TENM3: variants seen among roughly 807,000 people sequenced by gnomAD.
TENM3 encodes the protein teneurin transmembrane protein 3, also known as teneurin-3.
In TENM3, 63 loss-of-function variants were observed where a neutral mutation model predicts 255.1. The observed-to-expected ratio is 0.25, with a 90% CI of 0.20 to 0.30. The LOEUF is 0.30. Ranked by LOEUF, TENM3 falls within the 10% of genes least tolerant of loss-of-function variation. The pLI is 1.00. For missense variants in TENM3, 2,929 were observed against 3,461.1 expected (o/e 0.85, Z 3.86); for synonymous variants, 1,306 against 1,322.3 (o/e 0.99, Z 0.27).
intron 3 of TENM3, among the ~76,000 whole-genome samples, chr4:182,487,327 T>C (rs1734857065): frequency 6.6e-6 from 1 of 152,222 alleles, no homozygotes; most frequent in Non-Finnish European, 1.5e-5. Context: ...TACTTGTCTC[T>C]TTATCGTTGA....
At position 182,394,385 on chromosome 4, in the gene TENM3, C is replaced by T. The variant is rs190089123; in HGVS notation, c.511+47456C>T. Among the ~76,000 whole-genome samples, 9 of 152,190 alleles carry T rather than the reference C, an allele frequency of 5.9e-5. No individual in the cohort carries two copies. In the South Asian group the frequency reaches 6.2e-4, roughly 11 times the overall value. The stretch of plus-strand genomic sequence containing the variant: ...CATGCGCATACAGAAGCAAAAGTTA[C>T]GAATTAGTATGACCATGTATACATC... On this transcript the variant is annotated intron_variant, in intron 3 of 27. Coordinates refer to ENST00000511685, the MANE Select transcript of TENM3 (RefSeq NM_001080477.4).
At chr4:181,725,069 T>A in the TENM3 span, among the ~76,000 whole-genome samples, 2 of 152,154 alleles carry the variant, frequency 1.3e-5, no homozygotes, top group Non-Finnish European at 2.9e-5. Flanking sequence ...CTCCAGAGAG[T>A]AAACCTCTAG....
At chr4:182,120,588 C>G in the TENM3 span, among the ~76,000 whole-genome samples, 1 of 152,100 alleles carries the variant, frequency 6.6e-6, no homozygotes, top group Non-Finnish European at 1.5e-5. Flanking sequence ...TGTGACAAAG[C>G]AGGGTATGTG....
At chr4:182,249,839 A>G (rs180976449) in intron 1 of TENM3, among the ~76,000 whole-genome samples, 6 of 151,966 alleles carry the variant, frequency 3.9e-5, no homozygotes, top group African/African-American at 9.7e-5. Flanking sequence ...GTCATAGCTG[A>G]TTGTAGCCTC....
At chr4:181,991,886 A>G in the TENM3 span, among the ~76,000 whole-genome samples, 1 of 152,104 alleles carries the variant, frequency 6.6e-6, no homozygotes, top group Admixed American at 6.6e-5. Flanking sequence ...ACTTTTGTAG[A>G]CTACTAAAAA....
intron 1 of TENM3, among the ~76,000 whole-genome samples, chr4:182,265,824 A>G (rs539385919): frequency 6.6e-6 from 1 of 152,352 alleles, no homozygotes; most frequent in East Asian, 1.9e-4. Context: ...TAAAAACTGT[A>G]ATGCCTTTTG....
chr4:182,281,634 C>A (rs924237595), intron 1 of TENM3, among the ~76,000 whole-genome samples: 15 of 152,154 alleles, frequency 9.9e-5, no homozygotes, highest in Admixed American at 4.6e-4. Context: ...GGACTACAGG[C>A]ACACACTACC....
intron 2 of TENM3, among the ~76,000 whole-genome samples, chr4:182,327,327 G>A (rs1405231045): frequency 6.6e-6 from 1 of 152,068 alleles, no homozygotes; most frequent in Non-Finnish European, 1.5e-5. Context: ...TTTTGTCCAT[G>A]GAGTTTTAAA....
At chr4:181,766,907 C>T in the TENM3 span, among the ~76,000 whole-genome samples, 2 of 152,076 alleles carry the variant, frequency 1.3e-5, no homozygotes, top group Admixed American at 1.3e-4. Flanking sequence ...AATGTCGAAT[C>T]ATCAAACAAG....
At chr4:182,622,088 T>C (rs529443051) in intron 4 of TENM3, among the ~76,000 whole-genome samples, 47 of 152,190 alleles carry the variant, frequency 3.1e-4, no homozygotes, top group African/African-American at 1.1e-3. Context: ...CGGCAGGGCA[T>C]GGTGGCCCAC....
At chr4:182,678,691 G>A (rs1421194126) in intron 7 of TENM3, among the ~76,000 whole-genome samples, 1 of 152,114 alleles carries the variant, frequency 6.6e-6, no homozygotes, top group Non-Finnish European at 1.5e-5. Context: ...CTTCCTACGA[G>A]GGTTCCTATG....
At chr4:182,406,092 A>G (rs6824572) in intron 3 of TENM3, among the ~76,000 whole-genome samples, 150,803 of 152,264 alleles carry the variant, frequency 0.99, 74,695 homozygotes, top group Middle Eastern at 1. Context: ...GATCACCTGC[A>G]GTCAGGAGTT....
chr4:182,362,719 C>A (rs922232702), intron 3 of TENM3, among the ~76,000 whole-genome samples: 1 of 151,386 alleles, frequency 6.6e-6, no homozygotes, highest in African/African-American at 2.4e-5. Flanking sequence ...GCACACGGTG[C>A]ACGCACCCAC....
chr4:182,210,427 T>A (rs963692416), intron 1 of TENM3, among the ~76,000 whole-genome samples: 5 of 152,318 alleles, frequency 3.3e-5, no homozygotes, highest in Non-Finnish European at 7.3e-5. Flanking sequence ...TCTCTCACTT[T>A]CTGTCCAGTA....
chr4:182,611,574 A>G (rs1413313071), intron 4 of TENM3, among the ~76,000 whole-genome samples: 3 of 152,286 alleles, frequency 2.0e-5, no homozygotes, highest in South Asian at 2.1e-4. Context: ...TTTTAAGTAA[A>G]TAAGAACAAA....
chr4:182,249,929 C>CT (rs1029436597), intron 1 of TENM3, among the ~76,000 whole-genome samples: 6 of 151,526 alleles, frequency 4.0e-5, no homozygotes, highest in East Asian at 1.9e-4. Flanking sequence ...TGCCTGGCTA[C>CT]TTTTTTTTAA....
At chr4:182,370,617 T>C (rs1580325724) in intron 3 of TENM3, among the ~76,000 whole-genome samples, 1 of 152,236 alleles carries the variant, frequency 6.6e-6, no homozygotes, top group African/African-American at 2.4e-5. Context: ...ACTGTTTTGC[T>C]TAACCATGGT....
At chr4:182,030,001 T>A in the TENM3 span, among the ~76,000 whole-genome samples, 1 of 46,324 alleles carries the variant, frequency 2.2e-5, no homozygotes. Flanking sequence ...ATCTCTCTCC[T>A]TTTTTTCTTT....
At chr4:182,636,135 C>G (rs148215765) in intron 5 of TENM3, among the ~76,000 whole-genome samples, 2 of 152,086 alleles carry the variant, frequency 1.3e-5, no homozygotes, top group South Asian at 4.1e-4. Context: ...TCAGAAAATG[C>G]GTTTTTGTCT....
Sources: gnomAD v4.1 joint callset for allele counts (sites outside exome capture counted in the v4.1 genomes callset) on GRCh38, gnomAD v4.1.1 for gene constraint, MANE v1.5 for transcripts, NCBI Gene and HGNC (gene_info 2026-07-23, HGNC 2026-07-21) for gene names.